Variants in ERICH1 observed in about 807,000 individuals in gnomAD.
The protein encoded by ERICH1 is glutamate rich 1, also known as glutamate-rich protein 1.
A neutral mutation model predicts 39.6 loss-of-function variants in ERICH1; 56 were observed. That is an observed-to-expected ratio of 1.41 (90% CI 1.14 to 1.77). The LOEUF (loss-of-function observed/expected upper bound fraction) is 1.77. Among genes scored for constraint, ERICH1 ranks in the 40% most tolerant of loss-of-function variants. The pLI is 0.00. For synonymous variants in ERICH1, 313 were observed against 223.6 expected, an observed-to-expected ratio of 1.40 and a Z score of -3.57; for missense variants, 826 against 575.4, an observed-to-expected ratio of 1.44 and a Z score of -4.45.
chr8:623,939 A>T (rs1797441036), intron 3 of ERICH1, among the ~76,000 whole-genome samples: 1 of 152,240 alleles, frequency 6.6e-6, no homozygotes. Context: ...GTTGCAAATG[A>T]TACCACTAAT....
chr8:656,319 A>C (rs1195854350), intron 3 of ERICH1, among the ~76,000 whole-genome samples: 1 of 152,170 alleles, frequency 6.6e-6, no homozygotes, highest in African/African-American at 2.4e-5. Context: ...CTGTGGGGTA[A>C]GGTGAGGCTT....
chr8:673,883 T>A lies in ERICH1; in HGVS notation c.469A>T (p.Ile157Leu), dbSNP rs376661771. The A allele has an allele frequency of 1.2e-6, 2 of 1,613,678 alleles. No individual in the cohort carries two copies. Among genetic ancestry groups the A allele is most frequent in the Non-Finnish European group, 1.7e-6 (2 of 1,180,008 alleles). The stretch of plus-strand genomic sequence containing the variant: ...AGTTTCCTTTTTTTATTTTTGCTTA[T>A]TGTGGTGCCATCTGTGTGCTGTCGC... Reference protein sequence around the residue: ...SQRQHTDGTTISKNKKRKLKK... With the variant: ...SQRQHTDGTTLSKNKKRKLKK... Residue 157 changes from isoleucine to leucine, a missense_variant, in exon 4 of 6, where the codon ATA becomes TTA. By Grantham distance (5) the Ile-to-Leu change is conservative. Coordinates refer to ENST00000262109, the MANE Select transcript of ERICH1 (RefSeq NM_207332.3).
rs2132345766 is a variant in ERICH1, at chr8:715,873, C to G, written c.157G>C (p.Glu53Gln). ...CAGACAAACTCACCTGTCAAAGGCT[C>G]AGCATGTTTCTGGCTCACTTTCTCA... is the stretch of plus-strand genomic sequence containing the variant. The part of the protein sequence containing the change: ...TSEKVSQKHA[E>Q]PLTDTGSETP... Residue 53 changes from glutamate (E) to glutamine (Q), a missense_variant, in exon 2 of 6, where the codon GAG (glutamate) becomes CAG (glutamine). Physicochemically the swap from Glu to Gln is conservative, Grantham distance 29. Transcript: ENST00000262109. The G allele has an allele frequency of 1.9e-6, 3 of 1,612,812 alleles. No individual in the cohort carries two copies. Among genetic ancestry groups the G allele is most frequent in the African/African-American group, 1.3e-5 (1 of 74,914 alleles).
intron 1 of ERICH1, among the ~76,000 whole-genome samples, chr8:720,290 C>T (rs2132397972): frequency 6.6e-6 from 1 of 152,248 alleles, no homozygotes; most frequent in South Asian, 2.1e-4. Context: ...TGCCCCACGC[C>T]AGCGTCACCC....
chr8:659,017 G>A (rs1191718345), intron 3 of ERICH1, among the ~76,000 whole-genome samples: 2 of 114,700 alleles, frequency 1.7e-5, no homozygotes. Context: ...ATCCTGGGGA[G>A]GGGGTGACCA....
chr8:693,949 CA>C (rs1391410063), intron 2 of ERICH1, among the ~76,000 whole-genome samples: 2 of 152,158 alleles, frequency 1.3e-5, no homozygotes, highest in African/African-American at 4.8e-5. Context: ...CACTTCCTCT[CA>C]AACTGTCCGA....
intron 3 of ERICH1, among the ~76,000 whole-genome samples, chr8:676,567 G>C (rs1372859721): frequency 6.6e-6 from 1 of 152,162 alleles, no homozygotes; most frequent in Non-Finnish European, 1.5e-5. Flanking sequence ...GCTGCTCCCT[G>C]ACAGAAGGGT....
At chr8:683,514 C>T (rs917546688) in intron 3 of ERICH1, among the ~76,000 whole-genome samples, 1 of 152,214 alleles carries the variant, frequency 6.6e-6, no homozygotes, top group Non-Finnish European at 1.5e-5. Context: ...CTCGCTCTCT[C>T]TCTCTTAATA....
chr8:699,603 T>C (rs992104686), intron 2 of ERICH1, among the ~76,000 whole-genome samples: 2 of 152,174 alleles, frequency 1.3e-5, no homozygotes, highest in African/African-American at 4.8e-5. Context: ...ATTTTCATCA[T>C]ATTTAAACAA....
chr8:719,857 C>A (rs1042977110), intron 1 of ERICH1, among the ~76,000 whole-genome samples: 1 of 152,202 alleles, frequency 6.6e-6, no homozygotes, highest in Non-Finnish European at 1.5e-5. Context: ...CTCAAATAGT[C>A]CCAGCACTGG....
chr8:663,259 T>C (rs144300615), downstream of ERICH1, among the ~76,000 whole-genome samples: 33 of 152,130 alleles, frequency 2.2e-4, no homozygotes, highest in East Asian at 5.1e-3. Context: ...CCTCCCTCCA[T>C]GCTGCCCATC....
Position 726,581 on chromosome 8 carries a change from C to T in ERICH1, c.22+4559G>A, listed in dbSNP as rs551203832. On this transcript the variant is annotated intron_variant, in intron 1 of 5. Transcript: ENST00000262109. Reference sequence around the variant, plus strand: ...TGTACACAGGCACAAGACACACAGGCGCACACACATACACACACAGGCACA... The same window carrying T: ...TGTACACAGGCACAAGACACACAGGTGCACACACATACACACACAGGCACA... Among the ~76,000 whole-genome samples, 772 of 149,886 alleles carry T rather than the reference C, an allele frequency of 5.2e-3. 7 individuals are homozygous for T. Among genetic ancestry groups the T allele is most frequent in the African/African-American group, 0.017 (681 of 40,564 alleles).
chr8:664,821 T>A, intron 5 of ERICH1, 145 bp from the exon 6 acceptor site: 2 of 612,574 alleles, frequency 3.3e-6, no homozygotes, highest in East Asian at 5.5e-5. Context: ...GAAACTGATG[T>A]TGAAAGTGAC....
At chr8:725,540 C>T (rs191510551) in intron 1 of ERICH1, 1 of 152,908 alleles carries the variant, frequency 6.5e-6, no homozygotes, top group Admixed American at 6.5e-5. Flanking sequence ...CCACCACCTC[C>T]TCGGCCCACT....
intron 3 of ERICH1, among the ~76,000 whole-genome samples, chr8:658,013 C>G (rs1424779543): frequency 1.3e-5 from 2 of 152,212 alleles, no homozygotes; most frequent in African/African-American, 4.8e-5. Context: ...AGGAGGGGCC[C>G]CACCCGATCC....
chr8:719,397 G>A (rs1294799216), intron 1 of ERICH1, among the ~76,000 whole-genome samples: 2 of 152,228 alleles, frequency 1.3e-5, no homozygotes, highest in African/African-American at 2.4e-5. Flanking sequence ...TTCTCAGGGT[G>A]ACACTGAGGT....
At chr8:614,956 A>T (rs1255126246) in exon 4 of ERICH1, 1 of 350,786 alleles carries the variant, frequency 2.9e-6, no homozygotes, top group Non-Finnish European at 5.1e-6. Flanking sequence ...AGAGGGACAA[A>T]CTGTGACTGA....
intron 3 of ERICH1, among the ~76,000 whole-genome samples, chr8:622,983 T>TAAATAAAA (rs1563161595): frequency 6.6e-6 from 1 of 151,040 alleles, no homozygotes. Flanking sequence ...AATAAATAAA[T>TAAATAAAA]AAAACATCAA....
chr8:681,759 G>A (rs1363257391), intron 3 of ERICH1, among the ~76,000 whole-genome samples: 2 of 152,192 alleles, frequency 1.3e-5, no homozygotes, highest in Non-Finnish European at 2.9e-5. Flanking sequence ...TTACATCTGG[G>A]TGGAAAGATG....
Sources: allele counts gnomAD v4.1 joint callset (sites outside exome capture counted in the v4.1 genomes callset), GRCh38; gene constraint gnomAD v4.1.1; transcripts MANE v1.5; gene names NCBI Gene and HGNC (gene_info 2026-07-23, HGNC 2026-07-21).